Variants in GABBR2 observed in about 807,000 individuals in gnomAD.
GABBR2 encodes the protein gamma-aminobutyric acid type B receptor subunit 2.
Under a neutral mutation model 105.6 loss-of-function variants are expected in GABBR2, and 23 were observed. The observed-to-expected ratio is 0.22, with a 90% confidence interval of 0.16 to 0.31. GABBR2 has a LOEUF of 0.31. Ranked by LOEUF, GABBR2 falls within the 10% of genes least tolerant of loss-of-function variation. The probability of loss-of-function intolerance (pLI) is 1.00; values close to 1 mark genes in which losing one functional copy is unlikely to be tolerated. For synonymous variants in GABBR2, 478 were observed against 499.7 expected (o/e 0.96, Z 0.58); for missense variants, 734 against 1,245.5 (o/e 0.59, Z 6.18).
intron 3 of GABBR2, among the ~76,000 whole-genome samples, chr9:98,503,313 T>C (rs150132049): frequency 6.6e-6 from 1 of 152,254 alleles, no homozygotes; most frequent in African/African-American, 2.4e-5. Flanking sequence ...CGGAATGAAC[T>C]GAGAAAGAGG....
intron 2 of GABBR2, among the ~76,000 whole-genome samples, chr9:98,556,133 G>A (rs1021531612): frequency 2.0e-5 from 3 of 152,314 alleles, no homozygotes; most frequent in South Asian, 4.1e-4. Context: ...CTCTGGCTGA[G>A]GAAAACAGGG....
At chr9:98,368,093 T>C (rs374480365) in intron 12 of GABBR2, among the ~76,000 whole-genome samples, 5 of 152,100 alleles carry the variant, frequency 3.3e-5, no homozygotes, top group African/African-American at 9.6e-5. Flanking sequence ...CCATCCTTGA[T>C]GTCATTTCCC....
At chr9:98,567,844 T>C (rs1272090120) in intron 2 of GABBR2, among the ~76,000 whole-genome samples, 1 of 152,190 alleles carries the variant, frequency 6.6e-6, no homozygotes, top group East Asian at 1.9e-4. Flanking sequence ...TTCAGTCTCC[T>C]GCATCAAACT....
At chr9:98,516,798 C>T (rs992614572) in intron 3 of GABBR2, among the ~76,000 whole-genome samples, 1 of 152,198 alleles carries the variant, frequency 6.6e-6, no homozygotes, top group Non-Finnish European at 1.5e-5. Context: ...ATCAACCACC[C>T]TTGGGCTCAG....
At chr9:98,509,997 G>A (rs568773458) in intron 3 of GABBR2, among the ~76,000 whole-genome samples, 4 of 152,246 alleles carry the variant, frequency 2.6e-5, no homozygotes, top group African/African-American at 9.6e-5. Flanking sequence ...AATGAAGGAA[G>A]AAATACTAAG....
intron 3 of GABBR2, among the ~76,000 whole-genome samples, chr9:98,531,923 C>G (rs1189748936): frequency 6.6e-6 from 1 of 152,134 alleles, no homozygotes; most frequent in East Asian, 1.9e-4. Flanking sequence ...TCCCAGTGGT[C>G]CCCAAACTTC....
At chr9:98,330,186 C>T (rs1404918648) in intron 13 of GABBR2, among the ~76,000 whole-genome samples, 1 of 152,180 alleles carries the variant, frequency 6.6e-6, no homozygotes, top group African/African-American at 2.4e-5. Flanking sequence ...TCTCCAGATA[C>T]ACCCTACATT....
intron 1 of GABBR2, among the ~76,000 whole-genome samples, chr9:98,677,444 A>G (rs1188416859): frequency 6.6e-6 from 1 of 152,154 alleles, no homozygotes; most frequent in Non-Finnish European, 1.5e-5. Flanking sequence ...GATTTTTCAG[A>G]ATTTTTTTTC....
At chr9:98,461,945 G>A (rs950726536) in intron 6 of GABBR2, among the ~76,000 whole-genome samples, 3 of 152,164 alleles carry the variant, frequency 2.0e-5, no homozygotes, top group Admixed American at 6.5e-5. Context: ...GCTACCAAAG[G>A]GATGGTGCTA....
intron 7 of GABBR2, among the ~76,000 whole-genome samples, chr9:98,444,154 C>T (rs1209427306): frequency 6.6e-6 from 1 of 152,218 alleles, no homozygotes; most frequent in Non-Finnish European, 1.5e-5. Context: ...GTTCATTAAA[C>T]AAATATTTAT....
At chr9:98,659,451 G>A (rs964815270) in intron 1 of GABBR2, among the ~76,000 whole-genome samples, 21 of 150,212 alleles carry the variant, frequency 1.4e-4, no homozygotes, top group African/African-American at 5.1e-4. Flanking sequence ...AGTCTTTGAA[G>A]ACCATATAGT....
chr9:98,657,945 G>C (rs1166989748), intron 1 of GABBR2, among the ~76,000 whole-genome samples: 2 of 152,246 alleles, frequency 1.3e-5, no homozygotes, highest in Non-Finnish European at 2.9e-5. Flanking sequence ...GGGAAACTGT[G>C]AGTCAACAAA....
intron 1 of GABBR2, among the ~76,000 whole-genome samples, chr9:98,677,334 A>G (rs1302634915): frequency 6.6e-6 from 1 of 152,238 alleles, no homozygotes; most frequent in Non-Finnish European, 1.5e-5. Flanking sequence ...CAATCAAGTC[A>G]AAAGCGAAGA....
At chr9:98,671,389 C>T (rs938227135) in intron 1 of GABBR2, among the ~76,000 whole-genome samples, 1 of 152,192 alleles carries the variant, frequency 6.6e-6, no homozygotes, top group Non-Finnish European at 1.5e-5. Flanking sequence ...TTTGTTTGTC[C>T]ATTCGTCAGT....
chr9:98,451,414 G>A lies in GABBR2; in HGVS notation c.1236+2567C>T, dbSNP rs191559501. ...AGGCTGTGCTACAGAAATGGACTTC[G>A]CCAATACATTGTGGGAGTGAATTTT... On this transcript the variant is annotated intron_variant, in intron 7 of 18. Coordinates refer to ENST00000259455, the MANE Select transcript of GABBR2 (RefSeq NM_005458.8). 9.2e-5 allele frequency among the ~76,000 whole-genome samples: 14 copies of A among 152,292 alleles called. No individual in the cohort carries two copies. In the East Asian group the frequency reaches 2.1e-3, roughly 23 times the overall value.
At chr9:98,600,085 T>A (rs1015214964) in intron 1 of GABBR2, among the ~76,000 whole-genome samples, 1 of 152,104 alleles carries the variant, frequency 6.6e-6, no homozygotes, top group Admixed American at 6.5e-5. Flanking sequence ...GAGGCATGCA[T>A]CTGAAATCAT....
At chr9:98,433,261 T>C (rs1825844273) in intron 7 of GABBR2, among the ~76,000 whole-genome samples, 1 of 152,212 alleles carries the variant, frequency 6.6e-6, no homozygotes, top group Non-Finnish European at 1.5e-5. Context: ...TCACTACGTA[T>C]GGCTTATAAA....
rs149063142 is a variant in GABBR2, at chr9:98,349,344, GTTTTGTTTTTTTTTTTTT to G, written c.1893+13353_1893+13370del. Among the ~76,000 whole-genome samples, 441 of 105,476 alleles carry G rather than the reference GTTTTGTTTTTTTTTTTTT, an allele frequency of 4.2e-3. 22 individuals carry two copies. Among genetic ancestry groups the G allele is most frequent in the African/African-American group, 0.016 (390 of 24,932 alleles). The allele number at this position is 105,476 out of a possible 152,430, so 69.2% of individuals were successfully genotyped here. A position where few individuals can be genotyped will look rare whatever the true frequency, so the allele number is the denominator to read the frequency against. On this transcript the variant is annotated intron_variant, in intron 13 of 18. Coordinates refer to ENST00000259455, the MANE Select transcript of GABBR2 (RefSeq NM_005458.8). Reference sequence around the variant, plus strand: ...TTTGGTTTGCCAATATTTTGTTGAAGTTTTGTTTTTTTTTTTTTTTTTTTTTTTTTTTTTTCGGGACAG... The same window carrying G: ...TTTGGTTTGCCAATATTTTGTTGAAGTTTTTTTTTTTTTTTTTCGGGACAG...
chr9:98,447,533 A>ATGTGTGTGTG (rs777181645), intron 7 of GABBR2, among the ~76,000 whole-genome samples: 1 of 104,966 alleles, frequency 9.5e-6, no homozygotes, highest in Non-Finnish European at 2.0e-5. Context: ...TGTAACTAGT[A>ATGTGTGTGTG]TGTATGTGTG....
Sources: allele counts gnomAD v4.1 joint callset (sites outside exome capture counted in the v4.1 genomes callset), GRCh38; gene constraint gnomAD v4.1.1; transcripts MANE v1.5; gene names NCBI Gene and HGNC (gene_info 2026-07-23, HGNC 2026-07-21).